RBFOX1: variants seen among roughly 807,000 people sequenced by gnomAD.
RBFOX1 encodes RNA binding protein fox-1 homolog 1.
In RBFOX1, 8 loss-of-function variants were observed where a neutral mutation model predicts 57.7. The observed-to-expected ratio is 0.14, with a 90% CI of 0.08 to 0.25. The LOEUF (loss-of-function observed/expected upper bound fraction) is 0.25, where lower values mean the gene tolerates loss of function less well. Among genes scored for constraint, RBFOX1 ranks in the 10% least tolerant of loss-of-function variants. The pLI, the probability that RBFOX1 is intolerant of heterozygous loss-of-function variation, is 1.00. For missense variants in RBFOX1, 611 were observed against 548.5 expected, an observed-to-expected ratio of 1.11 and a Z score of -1.14; for synonymous variants, 326 against 222.4, an observed-to-expected ratio of 1.47 and a Z score of -4.15.
intron 1 of RBFOX1, among the ~76,000 whole-genome samples, chr16:6,276,608 G>A (rs10852674): frequency 0.92 from 140,101 of 152,248 alleles, 64,677 homozygotes; most frequent in East Asian, 1. Flanking sequence ...CTCCAAAAGT[G>A]CTGGGATTAC....
At chr16:6,196,012 T>C (rs2097177719) in intron 1 of RBFOX1, among the ~76,000 whole-genome samples, 1 of 152,184 alleles carries the variant, frequency 6.6e-6, no homozygotes, top group Non-Finnish European at 1.5e-5. Context: ...TAGGAGTACT[T>C]GTAATATTCA....
intron 4 of RBFOX1, among the ~76,000 whole-genome samples, chr16:7,190,190 G>A (rs568413624): frequency 1.2e-3 from 184 of 151,998 alleles, no homozygotes; most frequent in African/African-American, 4.3e-3. Context: ...GTGAAACCCC[G>A]TCTCTACTAA....
At chr16:6,615,042 C>G (rs2098122628) in intron 2 of RBFOX1, among the ~76,000 whole-genome samples, 1 of 152,160 alleles carries the variant, frequency 6.6e-6, no homozygotes, top group Admixed American at 6.5e-5. Flanking sequence ...ATAAGATGAT[C>G]TGTGAGCCCT....
At chr16:6,517,769 A>C (rs1291666183) in intron 2 of RBFOX1, among the ~76,000 whole-genome samples, 1 of 152,164 alleles carries the variant, frequency 6.6e-6, no homozygotes, top group Non-Finnish European at 1.5e-5. Context: ...TTCATGGCCA[A>C]GATTTTTCCA....
At chr16:5,940,257 G>T (rs1050526774) in intron 4 of RBFOX1, among the ~76,000 whole-genome samples, 1 of 152,142 alleles carries the variant, frequency 6.6e-6, no homozygotes, top group South Asian at 2.1e-4. Context: ...TTCTACTTCT[G>T]AGTCGCATCT....
chr16:7,043,604 A>C (rs34847115), intron 3 of RBFOX1, among the ~76,000 whole-genome samples: 3 of 152,286 alleles, frequency 2.0e-5, no homozygotes, highest in African/African-American at 7.2e-5. Flanking sequence ...ATTGAGTTCT[A>C]TGCTGGTAAA....
chr16:6,721,562 C>G (rs961363930), intron 3 of RBFOX1, among the ~76,000 whole-genome samples: 1 of 152,076 alleles, frequency 6.6e-6, no homozygotes, highest in Non-Finnish European at 1.5e-5. Context: ...AAGATGGAAG[C>G]TTTATGTTTG....
intron 6 of RBFOX1, among the ~76,000 whole-genome samples, chr16:7,585,058 C>T (rs751711061): frequency 9.2e-5 from 14 of 152,266 alleles, no homozygotes; most frequent in Non-Finnish European, 1.3e-4. Flanking sequence ...ACAGTTGCAT[C>T]GCGGTTTTGG....
intron 2 of RBFOX1, among the ~76,000 whole-genome samples, chr16:6,375,760 A>T (rs1218756150): frequency 1.3e-5 from 2 of 152,118 alleles, no homozygotes; most frequent in Non-Finnish European, 2.9e-5. Flanking sequence ...ATGAGTACCC[A>T]GAGGTTTCCA....
At chr16:6,660,224 TAA>T (rs112347010) in intron 3 of RBFOX1, among the ~76,000 whole-genome samples, 62 of 122,622 alleles carry the variant, frequency 5.1e-4, no homozygotes, top group Admixed American at 8.2e-4. Flanking sequence ...GACTTCATCT[TAA>T]AAAAAAAAAA....
intron 2 of RBFOX1, among the ~76,000 whole-genome samples, chr16:6,333,980 T>A (rs2083338887): frequency 6.6e-6 from 1 of 152,194 alleles, no homozygotes; most frequent in Non-Finnish European, 1.5e-5. Flanking sequence ...TAAAATTATT[T>A]CTTTTTTGGT....
intron 10 of RBFOX1, among the ~76,000 whole-genome samples, chr16:7,614,073 C>G (rs182534349): frequency 7.2e-5 from 11 of 152,302 alleles, no homozygotes; most frequent in Admixed American, 1.3e-4. Flanking sequence ...CCAACACTTT[C>G]TCATACCCAC....
chr16:5,762,612 C>G (rs1336298529), intron 3 of RBFOX1, among the ~76,000 whole-genome samples: 1 of 152,168 alleles, frequency 6.6e-6, no homozygotes, highest in Non-Finnish European at 1.5e-5. Context: ...GCAGAAGGCA[C>G]TCTATAAATA....
chr16:6,305,342 C>A (rs1490745033), intron 1 of RBFOX1, among the ~76,000 whole-genome samples: 2 of 152,174 alleles, frequency 1.3e-5, no homozygotes, highest in Admixed American at 6.5e-5. Context: ...ATAGGGATGT[C>A]AGTGCAATGC....
At chr16:6,280,593 G>A (rs187018522) in intron 1 of RBFOX1, among the ~76,000 whole-genome samples, 1 of 152,232 alleles carries the variant, frequency 6.6e-6, no homozygotes, top group African/African-American at 2.4e-5. Context: ...ACAATGTAAT[G>A]TCGCAGTACT....
intron 2 of RBFOX1, among the ~76,000 whole-genome samples, chr16:5,595,577 A>C (rs897188848): frequency 1.3e-5 from 2 of 152,236 alleles, no homozygotes; most frequent in African/African-American, 4.8e-5. Flanking sequence ...GTACGCCTCA[A>C]GAATTTTCAT....
intron 4 of RBFOX1, among the ~76,000 whole-genome samples, chr16:7,294,774 T>TATG (rs35974179): frequency 2.8e-3 from 423 of 151,384 alleles, no homozygotes; most frequent in East Asian, 7.0e-3. Flanking sequence ...AAATGATGAA[T>TATG]ATGATGATGA....
At chr16:6,341,347 C>T (rs1035151262) in intron 2 of RBFOX1, among the ~76,000 whole-genome samples, 28 of 152,216 alleles carry the variant, frequency 1.8e-4, no homozygotes, top group African/African-American at 5.8e-4. Flanking sequence ...ACTGACTCTT[C>T]TTTTACCTCG....
In RBFOX1 at chr16:5,424,963, TC is replaced by T. The variant is rs1424243676; in HGVS notation, c.220-42252del. Among the ~76,000 whole-genome samples, 14 of 57,042 alleles carry T rather than the reference TC, an allele frequency of 2.5e-4. 1 individual carries two copies. The highest frequency in any genetic ancestry group is 2.9e-4 in the Non-Finnish European group (9 of 30,628). 37.4% of individuals were successfully genotyped at this position (57,042 alleles called of 152,430 possible). On this transcript the variant is annotated intron_variant, in intron 1 of 2. Coordinates refer to the RBFOX1 transcript ENST00000585867. The stretch of plus-strand genomic sequence containing the variant: ...TCTCTTCTTTCTTCCTTTGTTTCTT[TC>T]TCTTTCTTTCTTTCTTTTCTTTTCT...
Sources: gnomAD v4.1 joint callset for allele counts (sites outside exome capture counted in the v4.1 genomes callset) on GRCh38, gnomAD v4.1.1 for gene constraint, MANE v1.5 for transcripts, NCBI Gene and HGNC (gene_info 2026-07-23, HGNC 2026-07-21) for gene names.